The following ATP2A3 variants were observed in gnomAD, a reference collection of about 807,000 sequenced individuals.
ATP2A3 encodes the protein ATPase sarcoplasmic/endoplasmic reticulum Ca2+ transporting 3.
ATP2A3 carries 61 observed loss-of-function variants against 106.8 expected under a neutral mutation model. The observed-to-expected ratio is 0.57, with a 90% confidence interval of 0.46 to 0.71. The LOEUF (loss-of-function observed/expected upper bound fraction) is 0.71, where lower values mean the gene tolerates loss of function less well. Ranked by LOEUF, ATP2A3 falls within the 30% of genes least tolerant of loss-of-function variation. The pLI is 0.00. For synonymous variants in ATP2A3, 611 were observed against 609.3 expected (o/e 1.00, Z -0.04); for missense variants, 1,201 against 1,423.5 (o/e 0.84, Z 2.52).
rs181044077 is a variant in ATP2A3 at position 3,934,281 on chromosome 17, T to C, written c.2610+911A>G. Among the ~76,000 whole-genome samples, 819 of 152,048 alleles carry C rather than the reference T, an allele frequency of 5.4e-3. 9 individuals carry two copies. The highest frequency in any genetic ancestry group is 0.019 in the African/African-American group (781 of 41,442). On this transcript the variant is annotated intron_variant, in intron 17 of 20. Coordinates refer to ENST00000397041, the MANE Select transcript of ATP2A3 (RefSeq NM_005173.4). ...CTCTGTCACCAAGGCTGAAGTGCAG[T>C]GGTGTGATCACGGCTCAGTTCAGCT...
intron 14 of ATP2A3, 127 bp downstream of exon 14, chr17:3,940,844 A>T: frequency 8.2e-7 from 1 of 1,226,278 alleles, no homozygotes; most frequent in East Asian, 2.4e-5. Context: ...TTGTATTTGA[A>T]TTTTTTGGTA....
Position 3,953,669 on chromosome 17 carries a change from G to A in ATP2A3, c.136+24C>T. Reference sequence around the variant, plus strand: ...CCAGGGATGCTGCCCGCGGCCTAGAGGTCCATCCCGGTGCCAGCCTCACCT... The same window carrying A: ...CCAGGGATGCTGCCCGCGGCCTAGAAGTCCATCCCGGTGCCAGCCTCACCT... On this transcript the variant is annotated intron_variant, in intron 2 of 20. Coordinates refer to ENST00000397041, the MANE Select transcript of ATP2A3 (RefSeq NM_005173.4). This position sits in a 1 kb window ranked among gnomAD's most constrained non-coding sequence, Gnocchi z 5.1. 6.4e-7 allele frequency: 1 copy of A among 1,561,180 alleles called. No individual in the cohort carries two copies. Among genetic ancestry groups the A allele is most frequent in the Non-Finnish European group, 8.7e-7 (1 of 1,152,370 alleles).
In ATP2A3 at chr17:3,935,281, C is replaced by A. The variant is rs745953786; in HGVS notation, c.2525-4G>T. 2.5e-6 allele frequency: 4 copies of A among 1,613,246 alleles called. No homozygotes were observed. Among genetic ancestry groups the A allele is most frequent in the Admixed American group, 3.3e-5 (2 of 60,032 alleles). Reference sequence around the variant, plus strand: ...ACTGTGGCCAGGCCTACGTACACTGCGGGGAAGGGAGGAGACCGGCTGTAG... The same window carrying A: ...ACTGTGGCCAGGCCTACGTACACTGAGGGGAAGGGAGGAGACCGGCTGTAG... On this transcript the variant is annotated splice_region_variant and splice_polypyrimidine_tract_variant and intron_variant, in intron 16 of 20. Transcript: ENST00000397041.
Position 3,940,874 on chromosome 17 carries a change from A to G in ATP2A3, c.2100+97T>C. The G allele has an allele frequency of 2.9e-6, 4 of 1,375,926 alleles. No individual in the cohort carries two copies. The South Asian group carries it at 4.7e-5, about 16-fold the overall frequency. The allele number at this position is 1,375,926 out of a possible 1,614,324, so 85.2% of individuals were successfully genotyped here. A position where few individuals can be genotyped will look rare whatever the true frequency, so the allele number is the denominator to read the frequency against. Reference sequence around the variant, plus strand: ...TTGGTAATAAGATGTTAGAAAAGGTAAGAATGAGGCAGAGGGGAGAGTTGC... The same window carrying G: ...TTGGTAATAAGATGTTAGAAAAGGTGAGAATGAGGCAGAGGGGAGAGTTGC... On this transcript the variant is annotated intron_variant, in intron 14 of 20. Transcript: ENST00000397041.
intron 10 of ATP2A3, among the ~76,000 whole-genome samples, chr17:3,944,380 G>T (rs113512608): frequency 1.3e-5 from 2 of 152,108 alleles, no homozygotes; most frequent in South Asian, 2.1e-4. Flanking sequence ...TTAACTGAAC[G>T]TGGGCCTTTT....
rs2054740778 is a variant in ATP2A3 at position 3,955,837 on chromosome 17, T to G, written c.119-2127A>C. 6.6e-6 allele frequency among the ~76,000 whole-genome samples: 1 copy of G among 152,058 alleles called. No homozygotes were observed. The highest frequency in any genetic ancestry group is 2.4e-5 in the African/African-American group (1 of 41,420). ...AAAGGTCCCCATGATGCCTCCTGCC[T>G]GCCCCGGCTGGTCTCTCAAGTTCTC... On this transcript the variant is annotated intron_variant, in intron 1 of 20. Coordinates refer to ENST00000397041, the MANE Select transcript of ATP2A3 (RefSeq NM_005173.4). This position sits in a 1 kb window ranked among gnomAD's most constrained non-coding sequence, Gnocchi z 4.2.
chr17:3,924,796 CG>C lies in ATP2A3; in HGVS notation c.*625del. The C allele has an allele frequency of 2.2e-6, 1 of 456,662 alleles. No individual in the cohort carries two copies. Among genetic ancestry groups the C allele is most frequent in the South Asian group, 1.5e-5 (1 of 64,566 alleles). 28.3% of individuals were successfully genotyped at this position (456,662 alleles called of 1,614,324 possible). ...CCGTCTCTCTGACCCTTCACCCGCC[CG>C]GGCCCTGCACATATAAACAGAAGCA... On this transcript the variant is annotated 3_prime_UTR_variant, in exon 21 of 21. Coordinates refer to ENST00000397041, the MANE Select transcript of ATP2A3 (RefSeq NM_005173.4). The surrounding 1 kb of genome is among the most constrained non-coding windows in gnomAD (Gnocchi z 6.4).
chr17:3,936,920 T>G lies in ATP2A3; in HGVS notation c.2322-451A>C. On this transcript the variant is annotated intron_variant, in intron 15 of 20. Coordinates refer to ENST00000397041, the MANE Select transcript of ATP2A3 (RefSeq NM_005173.4). This position sits in a 1 kb window ranked among gnomAD's most constrained non-coding sequence, Gnocchi z 5.4. ...ACACGCTCACCATTCCCCACAGGCA[T>G]CCTCACATGTGAATACGAGTGTGTG... is the stretch of plus-strand genomic sequence containing the variant. 3.1e-6 allele frequency: 1 copy of G among 321,770 alleles called. No individual in the cohort carries two copies. The allele number at this position is 321,770 out of a possible 1,614,324, so 19.9% of individuals were successfully genotyped here.
Position 3,941,474 on chromosome 17 carries a change from T to A in ATP2A3, c.1726A>T (p.Met576Leu). 4 of 1,613,872 alleles carry A rather than the reference T, an allele frequency of 2.5e-6. No homozygotes were observed. In the South Asian group the frequency reaches 4.4e-5, roughly 18 times the overall value. ...TRDAPPRKED[M>L]ELDDCSKFVQ... ...AACTTGCTGCAGTCGTCCAGCTCCATGTCCTCCTTCCTTGGGGGCGCGTCC... is the reference window on the plus strand; with the variant it reads ...AACTTGCTGCAGTCGTCCAGCTCCAAGTCCTCCTTCCTTGGGGGCGCGTCC... Residue 576 changes from methionine to leucine, a missense_variant, in exon 13 of 21, where the codon ATG (methionine) becomes TTG (leucine). Physicochemically the swap from Met to Leu is conservative, Grantham distance 15 (BLOSUM62 2). Coordinates refer to ENST00000397041, the MANE Select transcript of ATP2A3 (RefSeq NM_005173.4).
rs755033908 is a variant in ATP2A3 at position 3,936,499 on chromosome 17, G to A, written c.2322-30C>T. On this transcript the variant is annotated intron_variant, in intron 15 of 20. Transcript: ENST00000397041. This position sits in a 1 kb window ranked among gnomAD's most constrained non-coding sequence, Gnocchi z 5.4. ...AACAGAGTCATGAGCTCTAGCCCCGGTAGGCCTAGCCCCCGGCAGATGCAG... is the reference window on the plus strand; with the variant it reads ...AACAGAGTCATGAGCTCTAGCCCCGATAGGCCTAGCCCCCGGCAGATGCAG... 1 of 1,611,590 alleles carries A rather than the reference G, an allele frequency of 6.2e-7. No homozygotes were observed.
chr17:3,927,542 C>T, intron 20 of ATP2A3: 1 of 985,436 alleles, frequency 1.0e-6, no homozygotes, highest in Non-Finnish European at 1.2e-6. Flanking sequence ...GGTGCTCCGG[C>T]CAGTGCAGGG....
chr17:3,926,730 C>G lies in ATP2A3; in HGVS notation c.2981-1289G>C. 2.3e-6 allele frequency: 1 copy of G among 436,518 alleles called. No homozygotes were observed. The highest frequency in any genetic ancestry group is 3.0e-6 in the Non-Finnish European group (1 of 328,406). 27.0% of individuals were successfully genotyped at this position (436,518 alleles called of 1,614,324 possible). On this transcript the variant is annotated intron_variant, in intron 20 of 20. Coordinates refer to ENST00000397041, the MANE Select transcript of ATP2A3 (RefSeq NM_005173.4). The surrounding 1 kb of genome is among the most constrained non-coding windows in gnomAD (Gnocchi z 4.6). ...GATTATAGGCACCTGCCACCACGCC[C>G]AGCTAATTTTTGTATCTTTAGTAGA...
At chr17:3,940,521 A>G (rs1017441140) in intron 14 of ATP2A3, among the ~76,000 whole-genome samples, 1 of 152,152 alleles carries the variant, frequency 6.6e-6, no homozygotes, top group African/African-American at 2.4e-5. Flanking sequence ...TATTATTATT[A>G]TTTTGAGACG....
At position 3,928,099 on chromosome 17, in the gene ATP2A3, C is replaced by G; in HGVS notation, c.2980+564G>C. ...CCTGGCAGAGGCAGGTGGATGGACC[C>G]CATGTCCCAGCCCACTTCTCTCCAG... is the stretch of plus-strand genomic sequence containing the variant. On this transcript the variant is annotated intron_variant, in intron 20 of 20. Coordinates refer to ENST00000397041, the MANE Select transcript of ATP2A3 (RefSeq NM_005173.4). The surrounding 1 kb of genome is among the most constrained non-coding windows in gnomAD (Gnocchi z 6.1). 1 of 1,608,838 alleles carries G rather than the reference C, an allele frequency of 6.2e-7. No homozygotes were observed. The highest frequency in any genetic ancestry group is 1.1e-5 in the South Asian group (1 of 90,976).
Position 3,942,604 on chromosome 17 carries a change from A to C in ATP2A3, c.1545+2T>G, listed in dbSNP as rs1597618318. 1.2e-6 allele frequency: 2 copies of C among 1,610,094 alleles called. No homozygotes were observed. Among genetic ancestry groups the C allele is most frequent in the Non-Finnish European group, 1.7e-6 (2 of 1,179,650 alleles). On this transcript the variant is annotated splice_donor_variant, in intron 12 of 20. Transcript: ENST00000397041. LOFTEE classifies it high-confidence loss of function. ...GCCCAGGCCAGCCAGGCAGGCCCCC[A>C]CCTTCACAAACATCTTGCTGCCCTG... is the stretch of plus-strand genomic sequence containing the variant.
Position 3,930,844 on chromosome 17 carries a change from C to A in ATP2A3, c.2611-410G>T. ...ATGAAGGCTACGCAGGCCCTGTTCA[C>A]TGTTATTAAGATTCCATTTACAGCT... On this transcript the variant is annotated intron_variant, in intron 17 of 20. Transcript: ENST00000397041. This position sits in a 1 kb window ranked among gnomAD's most constrained non-coding sequence, Gnocchi z 5.4. 3.0e-6 allele frequency: 1 copy of A among 336,806 alleles called. No individual in the cohort carries two copies. The highest frequency in any genetic ancestry group is 5.8e-6 in the Non-Finnish European group (1 of 171,294). 20.9% of individuals were successfully genotyped at this position (336,806 alleles called of 1,614,324 possible). A position where few individuals can be genotyped will look rare whatever the true frequency, so the allele number is the denominator to read the frequency against.
chr17:3,954,003 T>C (rs1428430965), intron 1 of ATP2A3, among the ~76,000 whole-genome samples: 3 of 151,340 alleles, frequency 2.0e-5, no homozygotes, highest in Non-Finnish European at 4.4e-5. Context: ...GTCCAGCCCC[T>C]CCCTGCCCCA....
intron 10 of ATP2A3, 30 bp from the exon 11 acceptor site, chr17:3,943,552 G>A: frequency 6.2e-7 from 1 of 1,613,524 alleles, no homozygotes; most frequent in Non-Finnish European, 8.5e-7. Flanking sequence ...TAGGGAGTGA[G>A]GGGCAGGCAG....
chr17:3,948,608 G>A lies in ATP2A3; in HGVS notation c.631-753C>T, dbSNP rs1013812384. Among the ~76,000 whole-genome samples, 33 of 152,224 alleles carry A rather than the reference G, an allele frequency of 2.2e-4. No homozygotes were observed. In the South Asian group the frequency reaches 2.5e-3, roughly 11 times the overall value. ...TTTAATTTTGAATTTTAGTAGAAAC[G>A]AGGTCTCACTATGTTGCTCAGGCTG... On this transcript the variant is annotated intron_variant, in intron 7 of 20. Transcript: ENST00000397041.
Sources: allele counts gnomAD v4.1 joint callset (sites outside exome capture counted in the v4.1 genomes callset), GRCh38; gene constraint gnomAD v4.1.1; non-coding constraint Gnocchi (gnomAD v3.1); transcripts MANE v1.5; gene names NCBI Gene and HGNC (gene_info 2026-07-23, HGNC 2026-07-21).